Variants in ANP32A observed in about 807,000 individuals in gnomAD.
ANP32A encodes acidic leucine-rich nuclear phosphoprotein 32 family member A.
A neutral mutation model predicts 33.9 loss-of-function variants in ANP32A; 1 was observed. That is an observed-to-expected ratio of 0.03 (90% confidence interval 0.01 to 0.14). ANP32A has a LOEUF of 0.14. ANP32A is among the 10% of genes least tolerant of loss of function. The pLI, the probability that ANP32A is intolerant of heterozygous loss-of-function variation, is 1.00. For synonymous variants in ANP32A, 115 were observed against 120.5 expected (o/e 0.95, Z 0.30); for missense variants, 155 against 306.0 (o/e 0.51, Z 3.68).
intron 1 of ANP32A, among the ~76,000 whole-genome samples, chr15:68,820,274 T>C (rs1894454257): frequency 6.6e-6 from 1 of 152,130 alleles, no homozygotes; most frequent in Non-Finnish European, 1.5e-5. Context: ...CCCCCTTTTT[T>C]TGTTGTTAAA....
chr15:68,812,022 C>T (rs1432839877), intron 1 of ANP32A, among the ~76,000 whole-genome samples: 1 of 109,556 alleles, frequency 9.1e-6, no homozygotes, highest in Non-Finnish European at 1.9e-5. Context: ...AGCCACTGCG[C>T]CTGGCCCTAA....
chr15:68,818,610 C>T (rs1894423733), intron 1 of ANP32A, among the ~76,000 whole-genome samples: 1 of 148,476 alleles, frequency 6.7e-6, no homozygotes, highest in African/African-American at 2.6e-5. Flanking sequence ...GCGGTGCGCT[C>T]CCCTCCCCAA....
At chr15:68,818,642 G>C (rs1329848152) in intron 1 of ANP32A, among the ~76,000 whole-genome samples, 1 of 152,072 alleles carries the variant, frequency 6.6e-6, no homozygotes, top group Non-Finnish European at 1.5e-5. Flanking sequence ...ACTCGTGGAA[G>C]TTTAAAGAGC....
chr15:68,819,037 G>T (rs1894433141), intron 1 of ANP32A, among the ~76,000 whole-genome samples: 1 of 152,228 alleles, frequency 6.6e-6, no homozygotes, highest in African/African-American at 2.4e-5. Flanking sequence ...GCGTTAAGGC[G>T]GGGAGGGGGT....
In ANP32A at chr15:68,782,963, T is replaced by C; in HGVS notation, c.617A>G (p.Glu206Gly). 6.4e-7 allele frequency: 1 copy of C among 1,551,880 alleles called. No individual in the cohort carries two copies. The change falls in exon 5 of 7, where the codon GAG becomes GGG. Residue 206 changes from glutamate to glycine, a missense_variant. Transcript: ENST00000465139. ...CCAGCCCAGCCTCCTTACCTCCTCC[T>C]CTCCACTCACGTCCTCCTCTTCACC... ...EEGEEEDVSG[E>G]EEEDEEGYND...
intron 4 of ANP32A, among the ~76,000 whole-genome samples, chr15:68,783,459 T>A (rs550482245): frequency 6.6e-6 from 1 of 152,244 alleles, no homozygotes; most frequent in South Asian, 2.1e-4. Context: ...GAGTCACTAG[T>A]TGAGCTGGGC....
In ANP32A at chr15:68,780,004, T is replaced by TG. The variant is rs1418206439; in HGVS notation, c.*76dup. The TG allele has an allele frequency of 8.8e-5, 119 of 1,348,922 alleles. No homozygotes were observed. In the African/African-American group the frequency reaches 1.7e-3, roughly 19 times the overall value. 83.6% of individuals were successfully genotyped at this position (1,348,922 alleles called of 1,614,324 possible). A position where few individuals can be genotyped will look rare whatever the true frequency, so the allele number is the denominator to read the frequency against. ...AAAAATAAGTTTCAGGGGGCAGGATTGGAGGGGGGGGGGAGAGGGGATATG... is the reference window on the plus strand; with the variant it reads ...AAAAATAAGTTTCAGGGGGCAGGATTGGGAGGGGGGGGGGAGAGGGGATATG... On this transcript the variant is annotated 3_prime_UTR_variant, in exon 7 of 7. Coordinates refer to ENST00000465139, the MANE Select transcript of ANP32A (RefSeq NM_006305.4). This position sits in a 1 kb window ranked among gnomAD's most constrained non-coding sequence, Gnocchi z 4.3.
At chr15:68,787,971 G>T in intron 1 of ANP32A, 52 bp from the exon 2 acceptor site, 4 of 1,611,174 alleles carry the variant, frequency 2.5e-6, no homozygotes, top group Non-Finnish European at 3.4e-6. Flanking sequence ...GGCTGAAGCA[G>T]GGGGAGGGTG....
intron 1 of ANP32A, among the ~76,000 whole-genome samples, chr15:68,807,668 G>C (rs891148860): frequency 1.3e-5 from 2 of 151,990 alleles, no homozygotes; most frequent in Admixed American, 6.6e-5. Context: ...ACCCATACCT[G>C]GCATAAACGA....
At chr15:68,805,390 TACCCCCTCCCC>T (rs1894204420) in intron 1 of ANP32A, among the ~76,000 whole-genome samples, 1 of 152,246 alleles carries the variant, frequency 6.6e-6, no homozygotes, top group South Asian at 2.1e-4. Flanking sequence ...TTAAAATTTC[TACCCCCTCCCC>T]ACACCCAGCC....
intron 1 of ANP32A, among the ~76,000 whole-genome samples, chr15:68,796,742 C>T (rs1465209245): frequency 6.6e-6 from 1 of 152,208 alleles, no homozygotes; most frequent in African/African-American, 2.4e-5. Context: ...CTTTGGTCCG[C>T]CTTGCCGCTA....
intron 1 of ANP32A, among the ~76,000 whole-genome samples, chr15:68,795,909 C>T (rs1177587305): frequency 1.3e-5 from 2 of 152,106 alleles, no homozygotes; most frequent in African/African-American, 2.4e-5. Context: ...GGTTTAAGAG[C>T]GTGTATAGCT....
intron 2 of ANP32A, 67 bp from the exon 3 acceptor site, chr15:68,787,602 C>T (rs985544409): frequency 3.1e-6 from 5 of 1,608,870 alleles, no homozygotes; most frequent in Middle Eastern, 1.7e-4. Flanking sequence ...CTCAGAGCTG[C>T]CCGGCTTTCC....
chr15:68,784,377 G>A lies in ANP32A; in HGVS notation c.526+20C>T. 6.2e-7 allele frequency: 1 copy of A among 1,611,804 alleles called. No individual in the cohort carries two copies. Among genetic ancestry groups the A allele is most frequent in the Non-Finnish European group, 8.5e-7 (1 of 1,179,020 alleles). ...CCTCAGCTGGGCCCCTGCAGCCCTG[G>A]GCCGCACCCTGTCACCCACCATCCT... On this transcript the variant is annotated intron_variant, in intron 4 of 6. Coordinates refer to ENST00000465139, the MANE Select transcript of ANP32A (RefSeq NM_006305.4).
chr15:68,789,175 T>G (rs1893969921), intron 1 of ANP32A: 1 of 152,272 alleles, frequency 6.6e-6, no homozygotes, highest in African/African-American at 2.4e-5. Context: ...ACACCTGGTA[T>G]CTCAAAGAGT....
At chr15:68,819,758 T>A (rs1894445050) in intron 1 of ANP32A, among the ~76,000 whole-genome samples, 1 of 152,194 alleles carries the variant, frequency 6.6e-6, no homozygotes. Flanking sequence ...CACCGGGACG[T>A]AGCCTTTGGG....
intron 1 of ANP32A, among the ~76,000 whole-genome samples, chr15:68,795,432 G>C (rs1430907002): frequency 1.3e-5 from 2 of 152,216 alleles, no homozygotes; most frequent in African/African-American, 4.8e-5. Flanking sequence ...ACAAGCTGAG[G>C]CGCGCTGCAG....
At chr15:68,793,675 T>A (rs1359727391) in intron 1 of ANP32A, among the ~76,000 whole-genome samples, 1 of 152,130 alleles carries the variant, frequency 6.6e-6, no homozygotes, top group Admixed American at 6.5e-5. Flanking sequence ...TAAAGGCAGA[T>A]GAGGGGGACC....
In ANP32A at chr15:68,780,584, C is replaced by A. The variant is rs1378128251; in HGVS notation, c.625-111G>T. Reference sequence around the variant, plus strand: ...GGGTCACCCCCAGCCTCTCAGAGCCCCCACCAAGACTTGACATCTCGGGAG... The same window carrying A: ...GGGTCACCCCCAGCCTCTCAGAGCCACCACCAAGACTTGACATCTCGGGAG... On this transcript the variant is annotated intron_variant, in intron 5 of 6. Transcript: ENST00000465139. This position sits in a 1 kb window ranked among gnomAD's most constrained non-coding sequence, Gnocchi z 4.3. 1.3e-6 allele frequency: 2 copies of A among 1,501,616 alleles called. No homozygotes were observed. Among genetic ancestry groups the A allele is most frequent in the African/African-American group, 1.4e-5 (1 of 71,162 alleles). 93.0% of individuals were successfully genotyped at this position (1,501,616 alleles called of 1,614,324 possible).
Sources: gnomAD v4.1 joint callset for allele counts (sites outside exome capture counted in the v4.1 genomes callset) on GRCh38, gnomAD v4.1.1 for gene constraint, Gnocchi (gnomAD v3.1) non-coding constraint, MANE v1.5 for transcripts, NCBI Gene and HGNC (gene_info 2026-07-23, HGNC 2026-07-21) for gene names.